The following NOL4L variants were observed in gnomAD, a reference collection of about 807,000 sequenced individuals.
NOL4L encodes the protein nucleolar protein 4 like.
A neutral mutation model predicts 64.5 loss-of-function variants in NOL4L; 7 were observed. The ratio of observed to expected loss-of-function variants is 0.11; its 90% confidence interval spans 0.06 to 0.20. The LOEUF is 0.20. NOL4L is among the 10% of genes least tolerant of loss of function. NOL4L has a pLI of 1.00. For synonymous variants in NOL4L, 413 were observed against 401.0 expected, an observed-to-expected ratio of 1.03 and a Z score of -0.36; for missense variants, 680 against 967.1, an observed-to-expected ratio of 0.70 and a Z score of 3.94.
At chr20:32,480,065 T>G (rs1019492011) in intron 4 of NOL4L, among the ~76,000 whole-genome samples, 1 of 152,218 alleles carries the variant, frequency 6.6e-6, no homozygotes, top group African/African-American at 2.4e-5. Flanking sequence ...CCTGTATCCA[T>G]GGCTTGTAAC....
chr20:32,496,258 G>T (rs761405663), intron 4 of NOL4L, among the ~76,000 whole-genome samples: 3 of 152,190 alleles, frequency 2.0e-5, no homozygotes, highest in Non-Finnish European at 4.4e-5. Flanking sequence ...TCTCTGCAGG[G>T]CTGGCCACTT....
intron 2 of NOL4L, 58 bp downstream of exon 2, chr20:32,527,700 C>T (rs894772250): frequency 1.3e-5 from 20 of 1,500,296 alleles, no homozygotes; most frequent in South Asian, 5.2e-5. Flanking sequence ...GTGCGGAGCC[C>T]GTGGCCTCCT....
chr20:32,514,206 C>T (rs888596356), intron 3 of NOL4L, among the ~76,000 whole-genome samples: 2 of 151,824 alleles, frequency 1.3e-5, no homozygotes, highest in African/African-American at 2.4e-5. Context: ...AAGAAGTAGA[C>T]GTCGGCTGGG....
chr20:32,489,544 A>G (rs934624687), intron 4 of NOL4L, among the ~76,000 whole-genome samples: 2 of 152,082 alleles, frequency 1.3e-5, no homozygotes, highest in Non-Finnish European at 2.9e-5. Flanking sequence ...TAAATAACTC[A>G]TCTTTATCCA....
At chr20:32,488,183 G>C (rs1017072441) in intron 4 of NOL4L, among the ~76,000 whole-genome samples, 1 of 152,176 alleles carries the variant, frequency 6.6e-6, no homozygotes, top group Non-Finnish European at 1.5e-5. Flanking sequence ...ACCCGCCTTG[G>C]CCTTCCAAAG....
chr20:32,469,433 G>A lies in NOL4L; in HGVS notation c.841+5168C>T, dbSNP rs1254781560. ...TTACTCAGGCTGGAGTGCAAATGGT[G>A]TGGTCTCGGCTTACTGTAACCTCCG... On this transcript the variant is annotated intron_variant, in intron 5 of 10. Transcript: ENST00000621426. 1.3e-5 allele frequency among the ~76,000 whole-genome samples: 2 copies of A among 150,982 alleles called. 1 individual carries two copies. The highest frequency in any genetic ancestry group is 3.9e-4 in the East Asian group (2 of 5,154).
chr20:32,532,045 T>TCTCTTCCCAGCCTCCCACCTGCC, intron 1 of NOL4L, among the ~76,000 whole-genome samples: 1 of 152,210 alleles, frequency 6.6e-6, no homozygotes, highest in South Asian at 2.1e-4. Context: ...ATGTGGCCTG[T>TCTCTTCCCAGCCTCCCACCTGCC]CTCTTCCCAG....
Position 32,444,234 on chromosome 20 carries a change from AAAC to A in NOL4L, c.*3359_*3361del, listed in dbSNP as rs1448828139. On this transcript the variant is annotated 3_prime_UTR_variant, in exon 11 of 11. Transcript: ENST00000621426. Reference sequence around the variant, plus strand: ...AAAAGGATTGAGCTGTTTAGCTCAGAAACAACAAAAACAAAGTTTCTAAAGCAC... The same window carrying A: ...AAAAGGATTGAGCTGTTTAGCTCAGAAACAAAAACAAAGTTTCTAAAGCAC... The A allele has an allele frequency of 1.3e-5, 2 of 152,356 alleles. No homozygotes were observed. Among genetic ancestry groups the A allele is most frequent in the African/African-American group, 4.8e-5 (2 of 41,584 alleles). 9.4% of individuals were successfully genotyped at this position (152,356 alleles called of 1,614,324 possible).
intron 1 of NOL4L, among the ~76,000 whole-genome samples, chr20:32,558,254 G>C (rs1978782944): frequency 6.6e-6 from 1 of 152,186 alleles, no homozygotes; most frequent in South Asian, 2.1e-4. Flanking sequence ...TTGGCTAAAA[G>C]TGGGAGCCCA....
intron 4 of NOL4L, among the ~76,000 whole-genome samples, chr20:32,484,097 C>A (rs1411419474): frequency 6.6e-6 from 1 of 152,026 alleles, no homozygotes; most frequent in Non-Finnish European, 1.5e-5. Context: ...GAGAGGGAGA[C>A]TTGGCCCAAA....
chr20:32,486,084 C>T (rs1404198417), intron 4 of NOL4L, among the ~76,000 whole-genome samples: 1 of 152,252 alleles, frequency 6.6e-6, no homozygotes, highest in Non-Finnish European at 1.5e-5. Context: ...GTTGAGAGCC[C>T]TGCAGAAACC....
At chr20:32,494,253 G>GAAAAAA (rs566317193) in intron 4 of NOL4L, among the ~76,000 whole-genome samples, 16 of 22,044 alleles carry the variant, frequency 7.3e-4, no homozygotes, top group Admixed American at 1.6e-3. Context: ...ATAATCTCGG[G>GAAAAAA]AAAAAAAAAA....
chr20:32,458,366 T>C (rs1280865232), intron 5 of NOL4L, among the ~76,000 whole-genome samples: 4 of 152,176 alleles, frequency 2.6e-5, no homozygotes, highest in African/African-American at 9.7e-5. Flanking sequence ...CTGGCACTTT[T>C]CTCCACTGTC....
rs144316875 is a variant in NOL4L, at chr20:32,548,626, G to A, written c.322-20713C>T. 1.8e-3 allele frequency: 527 copies of A among 295,868 alleles called. 1 individual carries two copies. The highest frequency in any genetic ancestry group is 9.8e-3 in the African/African-American group (433 of 44,188). The allele number at this position is 295,868 out of a possible 1,614,324, so 18.3% of individuals were successfully genotyped here. A position where few individuals can be genotyped will look rare whatever the true frequency, so the allele number is the denominator to read the frequency against. Reference sequence around the variant, plus strand: ...CTCGGTCATCACACGAATGGCTCACGTTCTAGACATTATTGCCGGGAGTGA... The same window carrying A: ...CTCGGTCATCACACGAATGGCTCACATTCTAGACATTATTGCCGGGAGTGA... On this transcript the variant is annotated intron_variant, in intron 1 of 10. Coordinates refer to ENST00000621426, the MANE Select transcript of NOL4L (RefSeq NM_001256798.2).
intron 10 of NOL4L, among the ~76,000 whole-genome samples, chr20:32,448,788 C>G (rs978901795): frequency 6.6e-6 from 1 of 152,216 alleles, no homozygotes; most frequent in African/African-American, 2.4e-5. Flanking sequence ...AGGCCCTGTC[C>G]TCTCTTGGCC....
At chr20:32,488,588 A>G (rs2016195756) in intron 4 of NOL4L, among the ~76,000 whole-genome samples, 1 of 152,222 alleles carries the variant, frequency 6.6e-6, no homozygotes, top group South Asian at 2.1e-4. Flanking sequence ...ACTGCTTACT[A>G]TTAGCAATCT....
chr20:32,536,285 C>G, intron 1 of NOL4L: 1 of 985,360 alleles, frequency 1.0e-6, no homozygotes, highest in East Asian at 1.1e-4. Context: ...CCAGCCAGGC[C>G]CCGCGGGCGG....
intron 1 of NOL4L, among the ~76,000 whole-genome samples, chr20:32,575,648 C>G (rs1172925334): frequency 2.0e-5 from 3 of 152,188 alleles, no homozygotes; most frequent in Non-Finnish European, 2.9e-5. Flanking sequence ...GGTCTGGGTC[C>G]TGGGGACACG....
intron 10 of NOL4L, chr20:32,450,499 C>G (rs2012780380): frequency 6.6e-6 from 1 of 152,258 alleles, no homozygotes; most frequent in Non-Finnish European, 1.5e-5. Flanking sequence ...AGACTGAGAC[C>G]CCAGGATGCA....
Sources: allele counts gnomAD v4.1 joint callset (sites outside exome capture counted in the v4.1 genomes callset), GRCh38; gene constraint gnomAD v4.1.1; transcripts MANE v1.5; gene names NCBI Gene and HGNC (gene_info 2026-07-23, HGNC 2026-07-21).